Variants in ARHGAP15 observed in about 807,000 individuals in gnomAD.
The protein encoded by ARHGAP15 is rho GTPase-activating protein 15.
A neutral mutation model predicts 63.7 loss-of-function variants in ARHGAP15; 51 were observed. The observed-to-expected ratio is 0.80, with a 90% CI of 0.64 to 1.01. The LOEUF (loss-of-function observed/expected upper bound fraction) is 1.01, where lower values mean the gene tolerates loss of function less well. Ranked by LOEUF, ARHGAP15 falls within the 50% of genes least tolerant of loss-of-function variation. The probability of loss-of-function intolerance (pLI) is 0.00; values close to 1 mark genes in which losing one functional copy is unlikely to be tolerated. For synonymous variants in ARHGAP15, 191 were observed against 193.8 expected (o/e 0.99, Z 0.12); for missense variants, 560 against 564.6 (o/e 0.99, Z 0.08).
At chr2:143,474,224 C>T (rs561282872) in intron 8 of ARHGAP15, among the ~76,000 whole-genome samples, 1 of 152,170 alleles carries the variant, frequency 6.6e-6, no homozygotes, top group South Asian at 2.1e-4. Context: ...TTACAGATTT[C>T]AGGTTACCAA....
chr2:143,371,200 G>C lies in ARHGAP15; in HGVS notation c.475-64401G>C, dbSNP rs148932415. ...AAGTTCCGGGATACATGTGCAGAAC[G>C]TGCAGGTTTGTTACATAGGTATACG... is the stretch of plus-strand genomic sequence containing the variant. On this transcript the variant is annotated intron_variant, in intron 6 of 13. Transcript: ENST00000295095. Among the ~76,000 whole-genome samples, 158 of 152,264 alleles carry C rather than the reference G, an allele frequency of 1.0e-3. 1 individual carries two copies. Among genetic ancestry groups the C allele is most frequent in the Non-Finnish European group, 2.0e-3 (137 of 68,016 alleles).
chr2:143,672,413 C>T (rs73961828), intron 12 of ARHGAP15, among the ~76,000 whole-genome samples: 1 of 152,100 alleles, frequency 6.6e-6, no homozygotes, highest in African/African-American at 2.4e-5. Flanking sequence ...AAGAGCCCAA[C>T]TATGAGACAA....
intron 10 of ARHGAP15, among the ~76,000 whole-genome samples, chr2:143,548,795 C>T (rs920807111): frequency 5.4e-5 from 8 of 148,234 alleles, no homozygotes; most frequent in African/African-American, 7.7e-5. Context: ...AAACTTGTTG[C>T]AATAATTGTG....
At chr2:143,634,888 A>G (rs1307820602) in intron 12 of ARHGAP15, among the ~76,000 whole-genome samples, 2 of 151,952 alleles carry the variant, frequency 1.3e-5, no homozygotes, top group African/African-American at 2.4e-5. Context: ...CCCAAATGCT[A>G]TCCAGCTTCT....
At chr2:143,145,878 GTA>G (rs1028703181) in intron 1 of ARHGAP15, among the ~76,000 whole-genome samples, 117 of 117,462 alleles carry the variant, frequency 1.0e-3, no homozygotes, top group Admixed American at 3.5e-3. Context: ...GTGTGTGTGT[GTA>G]TAATATATAT....
chr2:143,159,429 CT>C (rs942918308), intron 2 of ARHGAP15, among the ~76,000 whole-genome samples: 1 of 151,868 alleles, frequency 6.6e-6, no homozygotes, highest in Non-Finnish European at 1.5e-5. Context: ...TCCATGTTTA[CT>C]TCAAATCAAG....
chr2:143,478,776 A>T (rs1300033591), intron 8 of ARHGAP15, among the ~76,000 whole-genome samples: 1 of 152,218 alleles, frequency 6.6e-6, no homozygotes, highest in African/African-American at 2.4e-5. Context: ...TAGAAGAATT[A>T]TGTATAACTT....
At chr2:143,651,129 A>G (rs951617906) in intron 12 of ARHGAP15, among the ~76,000 whole-genome samples, 8 of 152,126 alleles carry the variant, frequency 5.3e-5, no homozygotes, top group African/African-American at 1.9e-4. Context: ...ATCAGGGAGC[A>G]TTTAAATTTG....
chr2:143,344,963 A>G (rs1558908485), intron 6 of ARHGAP15, among the ~76,000 whole-genome samples: 1 of 152,096 alleles, frequency 6.6e-6, no homozygotes, highest in Admixed American at 6.6e-5. Context: ...AGAACACAAG[A>G]CTTGAAGTTG....
chr2:143,549,497 C>G (rs1053845787), intron 10 of ARHGAP15, among the ~76,000 whole-genome samples: 1 of 152,068 alleles, frequency 6.6e-6, no homozygotes, highest in East Asian at 1.9e-4. Flanking sequence ...CAGAGAATAA[C>G]CAAACTTGGA....
At chr2:143,433,812 G>A (rs1689489858) in intron 6 of ARHGAP15, among the ~76,000 whole-genome samples, 1 of 151,810 alleles carries the variant, frequency 6.6e-6, no homozygotes, top group Non-Finnish European at 1.5e-5. Context: ...ATTGTGCTTT[G>A]GCTAATTCAT....
chr2:143,199,251 G>A (rs140296028), intron 2 of ARHGAP15, among the ~76,000 whole-genome samples: 35 of 152,064 alleles, frequency 2.3e-4, no homozygotes, highest in African/African-American at 7.5e-4. Context: ...TCATTTAGAC[G>A]TTAATTGAGC....
intron 2 of ARHGAP15, among the ~76,000 whole-genome samples, chr2:143,184,003 G>A (rs1042063002): frequency 3.3e-5 from 5 of 152,102 alleles, no homozygotes; most frequent in Non-Finnish European, 5.9e-5. Flanking sequence ...AACTAGGGAG[G>A]TCAGCTTCTC....
chr2:143,334,854 G>T (rs1684701613), intron 6 of ARHGAP15, among the ~76,000 whole-genome samples: 1 of 152,192 alleles, frequency 6.6e-6, no homozygotes, highest in Admixed American at 6.5e-5. Context: ...ACTATGGGAG[G>T]CCAAGGTGGT....
intron 6 of ARHGAP15, among the ~76,000 whole-genome samples, chr2:143,361,493 G>C (rs939220722): frequency 4.6e-5 from 7 of 152,132 alleles, no homozygotes; most frequent in African/African-American, 1.7e-4. Context: ...ATAAAGCAGA[G>C]ATCTTGATGT....
At chr2:143,331,188 C>T (rs2105258482) in intron 6 of ARHGAP15, among the ~76,000 whole-genome samples, 1 of 152,152 alleles carries the variant, frequency 6.6e-6, no homozygotes, top group South Asian at 2.1e-4. Context: ...ATATTTTTCC[C>T]CCTGGGAACT....
intron 6 of ARHGAP15, among the ~76,000 whole-genome samples, chr2:143,288,868 T>G (rs370515514): frequency 6.6e-6 from 1 of 152,116 alleles, no homozygotes; most frequent in East Asian, 1.9e-4. Context: ...ATCTCTGAAA[T>G]GCCTTTAAGC....
intron 5 of ARHGAP15, among the ~76,000 whole-genome samples, chr2:143,232,975 C>T (rs1317216033): frequency 6.6e-6 from 1 of 152,108 alleles, no homozygotes. Context: ...CCTAGGGTTA[C>T]AGCATTAGTA....
chr2:143,235,851 C>T, intron 5 of ARHGAP15: 1 of 1,407,444 alleles, frequency 7.1e-7, no homozygotes, highest in Admixed American at 2.9e-5. Context: ...TTCAGGTACA[C>T]TTTCCTATTT....
Sources: allele counts gnomAD v4.1 joint callset (sites outside exome capture counted in the v4.1 genomes callset), GRCh38; gene constraint gnomAD v4.1.1; transcripts MANE v1.5; gene names NCBI Gene and HGNC (gene_info 2026-07-23, HGNC 2026-07-21).